The following SPTLC1 variants were observed in gnomAD, a reference collection of about 807,000 sequenced individuals.
The protein encoded by SPTLC1 is serine palmitoyltransferase 1.
Under a neutral mutation model 68.9 loss-of-function variants are expected in SPTLC1, and 55 were observed. The ratio of observed to expected loss-of-function variants is 0.80; its 90% CI spans 0.64 to 1.00. The LOEUF (loss-of-function observed/expected upper bound fraction) is 1.00. Among genes scored for constraint, SPTLC1 ranks in the 50% least tolerant of loss-of-function variants. SPTLC1 has a pLI of 0.00. For missense variants in SPTLC1, 449 were observed against 573.1 expected (o/e 0.78, Z 2.21); for synonymous variants, 197 against 201.6 (o/e 0.98, Z 0.19).
At chr9:92,041,518 T>C (rs899547154) in intron 12 of SPTLC1, among the ~76,000 whole-genome samples, 2 of 152,172 alleles carry the variant, frequency 1.3e-5, no homozygotes, top group Admixed American at 6.5e-5. Context: ...GCCCCAAGCC[T>C]AGATGGCTGT....
chr9:92,034,403 G>C (rs909813725), intron 14 of SPTLC1, among the ~76,000 whole-genome samples: 4 of 152,210 alleles, frequency 2.6e-5, no homozygotes, highest in African/African-American at 9.6e-5. Flanking sequence ...GTTACTGAGT[G>C]TTGCTGACTG....
chr9:92,075,172 C>A (rs894473495), intron 5 of SPTLC1, among the ~76,000 whole-genome samples: 1 of 152,178 alleles, frequency 6.6e-6, no homozygotes, highest in Non-Finnish European at 1.5e-5. Context: ...GAGTATCCCC[C>A]TCCAAAGCTC....
chr9:92,061,562 AAGGAG>A (rs1834101911), intron 6 of SPTLC1, among the ~76,000 whole-genome samples: 1 of 152,222 alleles, frequency 6.6e-6, no homozygotes, highest in African/African-American at 2.4e-5. Flanking sequence ...AGGAAGGAGG[AAGGAG>A]CACAGTAAGT....
chr9:92,059,274 A>T lies in SPTLC1; in HGVS notation c.595T>A (p.Leu199Ile). 6.2e-7 allele frequency: 1 copy of T among 1,614,076 alleles called. No homozygotes were observed. The highest frequency in any genetic ancestry group is 1.1e-5 in the South Asian group (1 of 91,082). ...TTAATGTCACTACGGGATGCCTGTA[A>T]TCCTTTCTGAATAGCAAAGCAGGCA... ...RAACFAIQKG[L>I]QASRSDIKLF... The change falls in exon 7 of 15, where the codon TTA (leucine) becomes ATA (isoleucine). Residue 199 changes from leucine (L) to isoleucine (I), a missense_variant. Coordinates refer to ENST00000262554, the MANE Select transcript of SPTLC1 (RefSeq NM_006415.4).
intron 3 of SPTLC1, among the ~76,000 whole-genome samples, chr9:92,096,224 C>T (rs943916743): frequency 6.6e-6 from 1 of 152,094 alleles, no homozygotes; most frequent in African/African-American, 2.4e-5. Flanking sequence ...TGGGGGTCCC[C>T]TCAAATAAAC....
At chr9:92,106,016 C>A (rs4518728) in intron 3 of SPTLC1, among the ~76,000 whole-genome samples, 27,896 of 144,822 alleles carry the variant, frequency 0.19, 4,490 homozygotes, top group African/African-American at 0.44. Flanking sequence ...CCCTGTCTGG[C>A]AAGTGAGGAG....
chr9:92,067,272 C>T (rs773409094), intron 6 of SPTLC1, among the ~76,000 whole-genome samples: 1 of 149,804 alleles, frequency 6.7e-6, no homozygotes, highest in Admixed American at 6.7e-5. Context: ...GCACTCCAGC[C>T]GTGGTGACAA....
intron 5 of SPTLC1, among the ~76,000 whole-genome samples, chr9:92,068,433 T>C (rs187979242): frequency 6.6e-5 from 10 of 152,332 alleles, no homozygotes; most frequent in East Asian, 3.9e-4. Flanking sequence ...ACCAAAACCA[T>C]TGAGGTCTCA....
chr9:92,073,868 G>A (rs1454305260), intron 5 of SPTLC1, among the ~76,000 whole-genome samples: 1 of 152,194 alleles, frequency 6.6e-6, no homozygotes, highest in Non-Finnish European at 1.5e-5. Context: ...AAACCGCAGC[G>A]TTTAACTGCC....
At chr9:92,041,981 G>C (rs774850837) in intron 12 of SPTLC1, among the ~76,000 whole-genome samples, 3 of 152,158 alleles carry the variant, frequency 2.0e-5, no homozygotes, top group Non-Finnish European at 4.4e-5. Flanking sequence ...GTCCCAACTA[G>C]TTGGAAGGTG....
Position 92,047,703 on chromosome 9 carries a change from A to G in SPTLC1, c.894T>C (p.Asp298=). 1 of 1,610,900 alleles carries G rather than the reference A, an allele frequency of 6.2e-7. No homozygotes were observed. The highest frequency in any genetic ancestry group is 8.5e-7 in the Non-Finnish European group (1 of 1,177,190). Residue 298 remains aspartate (D), a synonymous_variant, in exon 10 of 15, where the codon GAT becomes GAC. Transcript: ENST00000262554. ...TGTTGGCACTGATAAGATCAATATC[A>G]TCAATCTGCCGGAAAAGGAGGAGTG... ...GVTEHYGINI[D]DIDLISANME...
chr9:92,103,579 C>A (rs1835839448), intron 3 of SPTLC1, among the ~76,000 whole-genome samples: 1 of 152,194 alleles, frequency 6.6e-6, no homozygotes, highest in Admixed American at 6.5e-5. Flanking sequence ...AAGCGGAGAC[C>A]CTGCCTGCCA....
intron 3 of SPTLC1, among the ~76,000 whole-genome samples, chr9:92,103,586 G>C (rs1384080498): frequency 6.6e-6 from 1 of 152,220 alleles, no homozygotes; most frequent in Non-Finnish European, 1.5e-5. Flanking sequence ...GACCCTGCCT[G>C]CCAGGGAGGC....
chr9:92,098,021 G>A (rs1173073099), intron 3 of SPTLC1, among the ~76,000 whole-genome samples: 1 of 152,146 alleles, frequency 6.6e-6, no homozygotes, highest in Non-Finnish European at 1.5e-5. Flanking sequence ...AACACTGAAT[G>A]TAATCTGATT....
chr9:92,099,830 T>C (rs577882857), intron 3 of SPTLC1, among the ~76,000 whole-genome samples: 2 of 152,254 alleles, frequency 1.3e-5, no homozygotes, highest in African/African-American at 4.8e-5. Context: ...ACAAATACCA[T>C]TTTACTACAA....
At chr9:92,047,496 T>C in intron 10 of SPTLC1, 117 bp downstream of exon 10, 1 of 779,632 alleles carries the variant, frequency 1.3e-6, no homozygotes, top group East Asian at 2.7e-5. Flanking sequence ...AAAATTGACA[T>C]TTAAATAAAA....
chr9:92,082,641 G>C (rs992481509), intron 3 of SPTLC1, among the ~76,000 whole-genome samples: 35 of 151,936 alleles, frequency 2.3e-4, no homozygotes, highest in Admixed American at 7.9e-4. Context: ...GTCTATCATT[G>C]TCGGACATTT....
chr9:92,063,513 G>C (rs1834175191), intron 6 of SPTLC1, among the ~76,000 whole-genome samples: 1 of 152,104 alleles, frequency 6.6e-6, no homozygotes, highest in Non-Finnish European at 1.5e-5. Context: ...TTGATTCTGT[G>C]AAGTGTTATT....
At chr9:92,054,979 C>T (rs1833835372) in intron 8 of SPTLC1, among the ~76,000 whole-genome samples, 2 of 151,588 alleles carry the variant, frequency 1.3e-5, no homozygotes, top group Non-Finnish European at 2.9e-5. Context: ...AATACCAGCA[C>T]TTTGGCAGGC....
Sources: gnomAD v4.1 joint callset for allele counts (sites outside exome capture counted in the v4.1 genomes callset) on GRCh38, gnomAD v4.1.1 for gene constraint, MANE v1.5 for transcripts, NCBI Gene and HGNC (gene_info 2026-07-23, HGNC 2026-07-21) for gene names.